Variants in ARHGAP28 observed in about 807,000 individuals in gnomAD.
ARHGAP28 encodes the protein rho GTPase-activating protein 28.
In ARHGAP28, 56 loss-of-function variants were observed where a neutral mutation model predicts 90.7. The observed-to-expected ratio is 0.62, with a 90% CI of 0.50 to 0.77. The LOEUF (loss-of-function observed/expected upper bound fraction) is 0.77. Ranked by LOEUF, ARHGAP28 falls within the 30% of genes least tolerant of loss-of-function variation. The probability of loss-of-function intolerance (pLI) is 0.00; values close to 1 mark genes in which losing one functional copy is unlikely to be tolerated. For synonymous variants in ARHGAP28, 308 were observed against 323.3 expected (o/e 0.95, Z 0.51); for missense variants, 869 against 900.9 (o/e 0.96, Z 0.45).
At chr18:6,891,760 TA>T (rs1340458232) in intron 14 of ARHGAP28, among the ~76,000 whole-genome samples, 1 of 151,996 alleles carries the variant, frequency 6.6e-6, no homozygotes, top group Non-Finnish European at 1.5e-5. Flanking sequence ...GCTAACTTTT[TA>T]AAAAAAATTT....
At chr18:6,874,203 A>G (rs2057113315) in intron 9 of ARHGAP28, among the ~76,000 whole-genome samples, 2 of 152,232 alleles carry the variant, frequency 1.3e-5, no homozygotes, top group African/African-American at 2.4e-5. Flanking sequence ...GAGATATAGC[A>G]TAGGCTGGGT....
intron 1 of ARHGAP28, among the ~76,000 whole-genome samples, chr18:6,810,690 T>G (rs2056549957): frequency 6.6e-6 from 1 of 152,120 alleles, no homozygotes; most frequent in Non-Finnish European, 1.5e-5. Flanking sequence ...AGCTAAACTC[T>G]AAGGTAGGAA....
chr18:6,839,995 G>C (rs948809885), intron 3 of ARHGAP28, among the ~76,000 whole-genome samples: 1 of 152,134 alleles, frequency 6.6e-6, no homozygotes, highest in African/African-American at 2.4e-5. Context: ...ATGTTCTGCT[G>C]GGTTCTAGCT....
At chr18:6,910,997 A>T (rs1266490432) in intron 17 of ARHGAP28, among the ~76,000 whole-genome samples, 1 of 151,978 alleles carries the variant, frequency 6.6e-6, no homozygotes, top group African/African-American at 2.4e-5. Context: ...GGCGCCCATC[A>T]CCACGCCCGG....
chr18:6,914,370 A>G lies in ARHGAP28; in HGVS notation c.*2216A>G, dbSNP rs889849944. On this transcript the variant is annotated 3_prime_UTR_variant, in exon 18 of 18. Coordinates refer to ENST00000383472, the MANE Select transcript of ARHGAP28 (RefSeq NM_001366230.1). ...GGCAACTTTCAACTTCCATACGTAT[A>G]TATGTATGTATGGAAGGCCATGTCA... is the stretch of plus-strand genomic sequence containing the variant. 7.2e-5 allele frequency: 11 copies of G among 152,174 alleles called. No homozygotes were observed. The highest frequency in any genetic ancestry group is 1.5e-4 in the Non-Finnish European group (10 of 68,022). 9.4% of individuals were successfully genotyped at this position (152,174 alleles called of 1,614,324 possible).
intron 16 of ARHGAP28, chr18:6,898,596 A>T: frequency 6.3e-7 from 1 of 1,596,746 alleles, no homozygotes; most frequent in Non-Finnish European, 8.5e-7. Flanking sequence ...GAGACTTGAA[A>T]TATCATTCAA....
chr18:6,747,953 C>T (rs1024343607), intron 1 of ARHGAP28, among the ~76,000 whole-genome samples: 4 of 152,136 alleles, frequency 2.6e-5, no homozygotes, highest in African/African-American at 9.7e-5. Flanking sequence ...GGCTTTAACT[C>T]GACACTAATG....
At chr18:6,897,232 G>C (rs1261528545) in intron 16 of ARHGAP28, 1 of 152,128 alleles carries the variant, frequency 6.6e-6, no homozygotes, top group East Asian at 1.9e-4. Flanking sequence ...CCTTTTATTC[G>C]AATGAAAATA....
intron 1 of ARHGAP28, among the ~76,000 whole-genome samples, chr18:6,797,941 T>C (rs1012492767): frequency 1.3e-5 from 2 of 152,154 alleles, no homozygotes; most frequent in South Asian, 4.1e-4. Flanking sequence ...ATTACAGGCA[T>C]GAGCCACTGT....
chr18:6,753,503 A>T (rs2056086123), intron 1 of ARHGAP28, among the ~76,000 whole-genome samples: 1 of 152,214 alleles, frequency 6.6e-6, no homozygotes, highest in South Asian at 2.1e-4. Flanking sequence ...ACTCTGTAGC[A>T]TACAAGAAAG....
intron 3 of ARHGAP28, among the ~76,000 whole-genome samples, chr18:6,850,314 G>A (rs1446141109): frequency 6.6e-6 from 1 of 152,144 alleles, no homozygotes; most frequent in Admixed American, 6.5e-5. Flanking sequence ...TTTTCATGAT[G>A]TTGGTTTTCT....
At chr18:6,884,328 C>T (rs150666849) in intron 11 of ARHGAP28, among the ~76,000 whole-genome samples, 1 of 152,094 alleles carries the variant, frequency 6.6e-6, no homozygotes, top group Non-Finnish European at 1.5e-5. Context: ...GAGCCGAGAT[C>T]GTGCCACTGC....
chr18:6,907,355 A>G (rs1158800490), intron 16 of ARHGAP28, among the ~76,000 whole-genome samples: 1 of 151,928 alleles, frequency 6.6e-6, no homozygotes, highest in Admixed American at 6.6e-5. Flanking sequence ...ACCTGTTCAC[A>G]AATGCTGATA....
At chr18:6,739,645 TTCTCTCTCTCTCTCTC>T (rs138884918) in intron 1 of ARHGAP28, among the ~76,000 whole-genome samples, 1 of 144,978 alleles carries the variant, frequency 6.9e-6, no homozygotes, top group African/African-American at 2.6e-5. Context: ...TGACTAAGCT[TTCTCTCTCTCTCTCTC>T]TCTCTCTCTC....
intron 17 of ARHGAP28, among the ~76,000 whole-genome samples, chr18:6,911,687 C>CA (rs2057400439): frequency 6.6e-6 from 1 of 152,104 alleles, no homozygotes; most frequent in South Asian, 2.1e-4. Flanking sequence ...CCACCTGCCT[C>CA]AGCCTCCCAA....
chr18:6,866,852 T>TA (rs1489733069), intron 5 of ARHGAP28, among the ~76,000 whole-genome samples: 1 of 152,240 alleles, frequency 6.6e-6, no homozygotes, highest in East Asian at 1.9e-4. Context: ...CCTAAATAAA[T>TA]AAAAAAGTCT....
At chr18:6,730,001 C>G (rs1257978454) in intron 1 of ARHGAP28, 58 bp downstream of exon 1, 29 of 1,289,058 alleles carry the variant, frequency 2.2e-5, no homozygotes, top group Admixed American at 4.2e-5. Flanking sequence ...GGGGGTTCGC[C>G]GTGCAGCTGC....
chr18:6,896,674 A>G (rs774429639), intron 16 of ARHGAP28, 48 bp downstream of exon 16: 40 of 1,602,950 alleles, frequency 2.5e-5, no homozygotes, highest in Non-Finnish European at 3.1e-5. Flanking sequence ...AAAAACCTTT[A>G]TCAGATGAAT....
intron 1 of ARHGAP28, among the ~76,000 whole-genome samples, chr18:6,759,742 G>T (rs1440745828): frequency 2.0e-5 from 3 of 152,120 alleles, no homozygotes; most frequent in African/African-American, 7.2e-5. Flanking sequence ...GAATAACAGA[G>T]AAACTAGGCT....
Sources: gnomAD v4.1 joint callset for allele counts (sites outside exome capture counted in the v4.1 genomes callset) on GRCh38, gnomAD v4.1.1 for gene constraint, MANE v1.5 for transcripts, NCBI Gene and HGNC (gene_info 2026-07-23, HGNC 2026-07-21) for gene names.